Variants in SYNPR observed in about 807,000 individuals in gnomAD.
SYNPR encodes the protein synaptoporin.
SYNPR carries 23 observed loss-of-function variants against 32.9 expected under a neutral mutation model. The observed-to-expected ratio is 0.70, with a 90% confidence interval of 0.50 to 0.99. SYNPR has a LOEUF of 0.99. Ranked by LOEUF, SYNPR falls within the 50% of genes least tolerant of loss-of-function variation. SYNPR has a pLI of 0.00. For synonymous variants in SYNPR, 146 were observed against 135.9 expected (o/e 1.07, Z -0.52); for missense variants, 318 against 349.3 (o/e 0.91, Z 0.71).
At chr3:63,443,188 T>A (rs1700212277) in intron 2 of SYNPR, 2 of 1,285,280 alleles carry the variant, frequency 1.6e-6, no homozygotes, top group South Asian at 3.8e-5. Context: ...GAGTATCAGG[T>A]TCCTGTACTC....
At chr3:63,535,596 GAGA>G (rs1412623390) in intron 3 of SYNPR, among the ~76,000 whole-genome samples, 1 of 152,062 alleles carries the variant, frequency 6.6e-6, no homozygotes, top group Non-Finnish European at 1.5e-5. Flanking sequence ...TAGACCAATG[GAGA>G]AGAACTGGTA....
At chr3:63,608,987 A>C in intron 4 of SYNPR, 138 bp from the exon 5 acceptor site, 1 of 596,900 alleles carries the variant, frequency 1.7e-6, no homozygotes, top group Non-Finnish European at 2.7e-6. Flanking sequence ...TTGTTTTTCT[A>C]AATGTTTTCC....
At chr3:63,594,783 G>A (rs1306103989) in intron 4 of SYNPR, among the ~76,000 whole-genome samples, 1 of 152,078 alleles carries the variant, frequency 6.6e-6, no homozygotes, top group Non-Finnish European at 1.5e-5. Context: ...ATCTCTTGAA[G>A]GGGTCACAAA....
At chr3:63,462,867 A>C (rs994625329) in intron 2 of SYNPR, among the ~76,000 whole-genome samples, 36 of 152,126 alleles carry the variant, frequency 2.4e-4, no homozygotes, top group African/African-American at 8.4e-4. Context: ...CAGCCTGTTG[A>C]GCATTGTTTT....
intron 2 of SYNPR, among the ~76,000 whole-genome samples, chr3:63,462,898 G>A (rs1475869263): frequency 6.6e-6 from 1 of 152,140 alleles, no homozygotes; most frequent in Non-Finnish European, 1.5e-5. Flanking sequence ...TAAGGGGAAG[G>A]TGCTTGTGTG....
chr3:63,528,121 C>G (rs906554722), intron 3 of SYNPR, among the ~76,000 whole-genome samples: 1 of 152,122 alleles, frequency 6.6e-6, no homozygotes, highest in Non-Finnish European at 1.5e-5. Context: ...TCTCTCTTTT[C>G]TTTCTTTCTC....
chr3:63,544,891 C>CAA (rs1491466790), intron 3 of SYNPR, among the ~76,000 whole-genome samples: 4 of 151,808 alleles, frequency 2.6e-5, no homozygotes, highest in Non-Finnish European at 4.4e-5. Flanking sequence ...CACACACACA[C>CAA]AATCCTATGA....
chr3:63,551,761 C>T (rs962518047), intron 3 of SYNPR, among the ~76,000 whole-genome samples: 1 of 152,210 alleles, frequency 6.6e-6, no homozygotes, highest in African/African-American at 2.4e-5. Flanking sequence ...TCAAACTAGC[C>T]TCAGATTCCT....
At chr3:63,220,271 A>T in the SYNPR span, among the ~76,000 whole-genome samples, 1 of 152,256 alleles carries the variant, frequency 6.6e-6, no homozygotes, top group Non-Finnish European at 1.5e-5. Flanking sequence ...CAACAAAATT[A>T]AAAACTATTT....
At chr3:63,244,979 A>C (rs2086273588) in intron 1 of SYNPR, among the ~76,000 whole-genome samples, 1 of 152,110 alleles carries the variant, frequency 6.6e-6, no homozygotes, top group African/African-American at 2.4e-5. Context: ...AGGAGCTCGG[A>C]AAAACTAGGA....
intron 4 of SYNPR, among the ~76,000 whole-genome samples, chr3:63,602,361 C>T (rs1700057147): frequency 6.6e-6 from 1 of 152,078 alleles, no homozygotes; most frequent in Admixed American, 6.6e-5. Context: ...AACTAGTTCC[C>T]ATTTGTCAGT....
At chr3:63,426,446 G>A (rs1341194699) in intron 2 of SYNPR, among the ~76,000 whole-genome samples, 1 of 152,142 alleles carries the variant, frequency 6.6e-6, no homozygotes, top group East Asian at 1.9e-4. Flanking sequence ...CCAAAGAAGG[G>A]GAGCTCATGA....
intron 2 of SYNPR, among the ~76,000 whole-genome samples, chr3:63,462,203 A>T (rs116691830): frequency 0.026 from 3,951 of 152,028 alleles, 138 homozygotes; most frequent in East Asian, 0.13. Flanking sequence ...GGCCAGACAG[A>T]CCCTTCCTCA....
rs148401673 is a variant in SYNPR, at chr3:63,605,793, T to A, written c.409-3332T>A. 4.8e-3 allele frequency among the ~76,000 whole-genome samples: 730 copies of A among 152,328 alleles called. 4 individuals carry two copies. Among genetic ancestry groups the A allele is most frequent in the Non-Finnish European group, 7.4e-3 (504 of 68,024 alleles). On this transcript the variant is annotated intron_variant, in intron 4 of 5. Transcript: ENST00000478300. ...AAGGAGCCATGTGGGTCCCAAGAGA[T>A]GGGAGTGCCCAGGTTAAAGCTTTAA...
At chr3:63,249,642 T>A (rs6445330) in intron 1 of SYNPR, among the ~76,000 whole-genome samples, 127,319 of 152,078 alleles carry the variant, frequency 0.84, 53,919 homozygotes, top group African/African-American at 0.91. Flanking sequence ...ACAGATCACC[T>A]CTGAAGAACT....
chr3:63,563,356 A>G (rs903736724), intron 4 of SYNPR, among the ~76,000 whole-genome samples: 2 of 152,234 alleles, frequency 1.3e-5, no homozygotes, highest in Non-Finnish European at 2.9e-5. Context: ...GGCTGGGGCC[A>G]TCACTAAGGG....
chr3:63,585,783 C>A (rs764120560), intron 4 of SYNPR, among the ~76,000 whole-genome samples: 2 of 152,018 alleles, frequency 1.3e-5, no homozygotes, highest in African/African-American at 2.4e-5. Context: ...CTTGCAATAA[C>A]CCTCTAAGAC....
intron 2 of SYNPR, among the ~76,000 whole-genome samples, chr3:63,266,744 G>A (rs1428653113): frequency 8.1e-5 from 12 of 148,836 alleles, no homozygotes; most frequent in Admixed American, 6.7e-4. Flanking sequence ...AAATAAAGTC[G>A]TGTTGTTGTA....
intron 4 of SYNPR, among the ~76,000 whole-genome samples, chr3:63,574,840 A>G (rs2106851661): frequency 6.6e-6 from 1 of 152,294 alleles, no homozygotes; most frequent in African/African-American, 2.4e-5. Flanking sequence ...TAAGCAGGCA[A>G]TTTAAGGATA....
Sources: allele counts gnomAD v4.1 joint callset (sites outside exome capture counted in the v4.1 genomes callset), GRCh38; gene constraint gnomAD v4.1.1; transcripts MANE v1.5; gene names NCBI Gene and HGNC (gene_info 2026-07-23, HGNC 2026-07-21).